RCOR1: variants seen among roughly 807,000 people sequenced by gnomAD.
RCOR1 encodes REST corepressor.
Under a neutral mutation model 64.0 loss-of-function variants are expected in RCOR1, and 12 were observed. The observed-to-expected ratio is 0.19, with a 90% CI of 0.12 to 0.30. RCOR1 has a LOEUF of 0.30. Among genes scored for constraint, RCOR1 ranks in the 10% least tolerant of loss-of-function variants. The probability of loss-of-function intolerance (pLI) is 1.00; values close to 1 mark genes in which losing one functional copy is unlikely to be tolerated. For missense variants in RCOR1, 502 were observed against 621.2 expected (o/e 0.81, Z 2.04); for synonymous variants, 279 against 227.2 (o/e 1.23, Z -2.05).
chr14:102,685,180 A>G (rs1427039820), intron 3 of RCOR1, among the ~76,000 whole-genome samples: 1 of 152,042 alleles, frequency 6.6e-6, no homozygotes, highest in Admixed American at 6.5e-5. Flanking sequence ...AATAAATGCT[A>G]TTTTAGAAAA....
At chr14:102,688,764 A>T (rs1248534633) in intron 3 of RCOR1, among the ~76,000 whole-genome samples, 1 of 151,566 alleles carries the variant, frequency 6.6e-6, no homozygotes, top group Non-Finnish European at 1.5e-5. Flanking sequence ...TTTCTGTTGA[A>T]CCCCTATGAG....
At chr14:102,670,133 T>C (rs1455936353) in intron 2 of RCOR1, among the ~76,000 whole-genome samples, 1 of 152,160 alleles carries the variant, frequency 6.6e-6, no homozygotes, top group East Asian at 1.9e-4. Flanking sequence ...ATATTTTTAG[T>C]AGAGACGGGG....
At chr14:102,605,557 T>C (rs1893488964) in intron 2 of RCOR1, among the ~76,000 whole-genome samples, 1 of 152,200 alleles carries the variant, frequency 6.6e-6, no homozygotes. Flanking sequence ...TGTGTGGTGT[T>C]GGTGTAAACA....
intron 2 of RCOR1, among the ~76,000 whole-genome samples, chr14:102,630,953 C>G (rs141146809): frequency 0.01 from 1,539 of 151,852 alleles, 15 homozygotes; most frequent in Admixed American, 0.015. Context: ...ACTGTGTAGT[C>G]TCACGACCTC....
chr14:102,659,412 C>T (rs905600757), intron 2 of RCOR1: 1 of 331,020 alleles, frequency 3.0e-6, no homozygotes, highest in African/African-American at 2.2e-5. Context: ...AAAAATTCAT[C>T]TTATTTTACT....
At chr14:102,614,118 T>C (rs368563250) in intron 2 of RCOR1, among the ~76,000 whole-genome samples, 2 of 151,186 alleles carry the variant, frequency 1.3e-5, no homozygotes, top group South Asian at 4.2e-4. Context: ...TGGTCTTGAG[T>C]TCCCAACCTC....
At chr14:102,721,188 T>G (rs955371111) in intron 9 of RCOR1, 104 bp downstream of exon 9, 19 of 1,048,192 alleles carry the variant, frequency 1.8e-5, no homozygotes, top group Non-Finnish European at 1.6e-5. Context: ...CTTGGAAGAG[T>G]ATATGGACAT....
rs1896303069 is a variant in RCOR1 at position 102,727,982 on chromosome 14, C to T, written c.*1476C>T. On this transcript the variant is annotated 3_prime_UTR_variant, in exon 12 of 12. Transcript: ENST00000262241. ...ATCATTTGGATTTTTTTCCTGCTTT[C>T]AATACCAAAAAAATGCAGATGCTTT... 1 of 152,356 alleles carries T rather than the reference C, an allele frequency of 6.6e-6. No homozygotes were observed. The highest frequency in any genetic ancestry group is 2.4e-5 in the African/African-American group (1 of 41,374). The allele number at this position is 152,356 out of a possible 1,614,324, so 9.4% of individuals were successfully genotyped here. A position where few individuals can be genotyped will look rare whatever the true frequency, so the allele number is the denominator to read the frequency against.
chr14:102,691,933 T>C (rs150801140), intron 3 of RCOR1, among the ~76,000 whole-genome samples: 1,570 of 152,318 alleles, frequency 0.01, 15 homozygotes, highest in Admixed American at 0.015. Flanking sequence ...ATATATATGC[T>C]AAGTTCTGAG....
Position 102,701,320 on chromosome 14 carries a change from A to C in RCOR1, c.488A>C (p.Asn163Thr), listed in dbSNP as rs1259641463. 1 of 1,608,264 alleles carries C rather than the reference A, an allele frequency of 6.2e-7. No individual in the cohort carries two copies. The highest frequency in any genetic ancestry group is 2.2e-5 in the East Asian group (1 of 44,518). ...ATTGCCAAAGAAAAGCATGGGTACA[A>C]CATGGAACAGGTAATATCATGGTTT... The part of the protein sequence containing the change: ...IAIAKEKHGY[N>T]MEQALGMLFW... The change falls in exon 4 of 12, where the codon AAC becomes ACC. Residue 163 changes from asparagine to threonine, a missense_variant. Asn to Thr is a moderately conservative substitution (Grantham distance 65). Transcript: ENST00000262241.
rs768292642 is a variant in RCOR1, at chr14:102,722,391, T to C, written c.1394T>C (p.Ile465Thr). Residue 465 changes from isoleucine to threonine, a missense_variant, in exon 11 of 12, where the codon ATT becomes ACT. By Grantham distance (89) the Ile-to-Thr change is moderately conservative. Around this residue, in one of 2 missense-constraint regions of RCOR1, gnomAD observed 260 missense variants for 416.4 expected, o/e 0.62. Coordinates refer to ENST00000262241, the MANE Select transcript of RCOR1 (RefSeq NM_015156.4). ...QKPVKSPDNS[I>T]KMPEEEDEAP... ...CCTGTGAAGTCCCCAGATAATTCCA[T>C]TAAGATGCCCGAAGAGGAAGACGAG... is the stretch of plus-strand genomic sequence containing the variant. 6.2e-7 allele frequency: 1 copy of C among 1,613,434 alleles called. No individual in the cohort carries two copies. Among genetic ancestry groups the C allele is most frequent in the Non-Finnish European group, 8.5e-7 (1 of 1,179,774 alleles).
chr14:102,694,529 C>T (rs1485124727), intron 3 of RCOR1, among the ~76,000 whole-genome samples: 1 of 152,200 alleles, frequency 6.6e-6, no homozygotes, highest in Non-Finnish European at 1.5e-5. Context: ...CCCGCCTCGT[C>T]CTCCCAAAGT....
intron 6 of RCOR1, 28 bp from the exon 7 acceptor site, chr14:102,710,904 AATC>A (rs1390939694): frequency 1.3e-6 from 2 of 1,486,232 alleles, no homozygotes; most frequent in African/African-American, 2.8e-5. Context: ...AGTACAAAAT[AATC>A]ATTCAGTAAC....
At chr14:102,618,055 C>G (rs917868372) in intron 2 of RCOR1, among the ~76,000 whole-genome samples, 1 of 148,306 alleles carries the variant, frequency 6.7e-6, no homozygotes, top group African/African-American at 2.5e-5. Context: ...GTCACTGCAA[C>G]CTCCGCTTCC....
At chr14:102,638,648 T>C (rs562657282) in intron 2 of RCOR1, among the ~76,000 whole-genome samples, 1 of 151,984 alleles carries the variant, frequency 6.6e-6, no homozygotes, top group South Asian at 2.1e-4. Flanking sequence ...GCCTGGCCTA[T>C]AGTAGTGTTT....
Position 102,730,037 on chromosome 14 carries a change from T to G in RCOR1, c.*3531T>G. On this transcript the variant is annotated 3_prime_UTR_variant, in exon 12 of 12. Coordinates refer to ENST00000262241, the MANE Select transcript of RCOR1 (RefSeq NM_015156.4). ...TGCAGCTTCTCTTACCTGTCTTACCTGTAGTAAAGCACAATTGCAGTGGCG... is the reference window on the plus strand; with the variant it reads ...TGCAGCTTCTCTTACCTGTCTTACCGGTAGTAAAGCACAATTGCAGTGGCG... 1 of 399,050 alleles carries G rather than the reference T, an allele frequency of 2.5e-6. No individual in the cohort carries two copies. 24.7% of individuals were successfully genotyped at this position (399,050 alleles called of 1,614,324 possible).
intron 8 of RCOR1, among the ~76,000 whole-genome samples, chr14:102,716,325 G>A (rs1019209041): frequency 6.6e-6 from 1 of 152,070 alleles, no homozygotes; most frequent in African/African-American, 2.4e-5. Flanking sequence ...CTGTAAATAT[G>A]TTTTGCATTC....
chr14:102,602,046 C>A (rs1893410258), intron 2 of RCOR1, among the ~76,000 whole-genome samples: 1 of 151,848 alleles, frequency 6.6e-6, no homozygotes, highest in Admixed American at 6.6e-5. Flanking sequence ...GTAATCCCAG[C>A]TACTTGGGAG....
At chr14:102,597,873 A>G (rs1486418903) in intron 2 of RCOR1, among the ~76,000 whole-genome samples, 1 of 148,846 alleles carries the variant, frequency 6.7e-6, no homozygotes, top group Non-Finnish European at 1.5e-5. Context: ...CTGGGGTGCA[A>G]TGGCATGATC....
Sources: gnomAD v4.1 joint callset for allele counts (sites outside exome capture counted in the v4.1 genomes callset) on GRCh38, gnomAD v4.1.1 for gene constraint, gnomAD v4.1.1 regional missense constraint, MANE v1.5 for transcripts, NCBI Gene and HGNC (gene_info 2026-07-23, HGNC 2026-07-21) for gene names.